Variants in MTUS2 observed in about 807,000 individuals in gnomAD.
MTUS2 encodes microtubule-associated tumor suppressor candidate 2.
In MTUS2, 40 loss-of-function variants were observed where a neutral mutation model predicts 114.1. The ratio of observed to expected loss-of-function variants is 0.35; its 90% CI spans 0.27 to 0.46. The LOEUF is 0.46. MTUS2 is among the 20% of genes least tolerant of loss of function. The probability of loss-of-function intolerance (pLI) is 1.00; values close to 1 mark genes in which losing one functional copy is unlikely to be tolerated. For synonymous variants in MTUS2, 688 were observed against 672.0 expected (o/e 1.02, Z -0.37); for missense variants, 1,679 against 1,705.4 (o/e 0.98, Z 0.27).
intron 4 of MTUS2, among the ~76,000 whole-genome samples, chr13:29,094,912 C>T (rs1418933984): frequency 6.6e-6 from 1 of 151,968 alleles, no homozygotes; most frequent in East Asian, 1.9e-4. Context: ...TCTAATTCCC[C>T]TTTCAATTTT....
chr13:29,488,043 T>C, intron 11 of MTUS2, 38 bp downstream of exon 11: 1 of 1,518,184 alleles, frequency 6.6e-7, no homozygotes, highest in Non-Finnish European at 9.1e-7. Context: ...CAGGGGTGGG[T>C]GGTGCAATCC....
chr13:29,102,959 C>T (rs1167335105), intron 5 of MTUS2, among the ~76,000 whole-genome samples: 3 of 152,106 alleles, frequency 2.0e-5, no homozygotes, highest in Non-Finnish European at 4.4e-5. Context: ...TCTGTTCTTT[C>T]TTGAGTTTAC....
chr13:29,433,989 A>G (rs1246454351), intron 8 of MTUS2, among the ~76,000 whole-genome samples: 3 of 152,224 alleles, frequency 2.0e-5, no homozygotes, highest in Admixed American at 6.5e-5. Context: ...AGCTTGGGAA[A>G]AAATGGCCCA....
rs185156669 is a variant in MTUS2 at position 29,362,558 on chromosome 13, G to A, written c.3117+3085G>A. ...AAAAATTAGCCGAGTGTGGTGGCACGTGCCTGTGATCCCAACTACTTGGGA... is the reference window on the plus strand; with the variant it reads ...AAAAATTAGCCGAGTGTGGTGGCACATGCCTGTGATCCCAACTACTTGGGA... On this transcript the variant is annotated intron_variant, in intron 8 of 15. Transcript: ENST00000612955. Among the ~76,000 whole-genome samples the A allele has an allele frequency of 1.3e-3, 195 of 152,118 alleles. 1 individual carries two copies. The highest frequency in any genetic ancestry group is 6.4e-3 in the Admixed American group (98 of 15,282).
intron 2 of MTUS2, among the ~76,000 whole-genome samples, chr13:28,877,911 G>A (rs1462427733): frequency 1.3e-5 from 2 of 152,184 alleles, no homozygotes; most frequent in Non-Finnish European, 2.9e-5. Context: ...TCAGAACTCA[G>A]AGGTGCTGGC....
At chr13:29,500,977 C>T (rs882953) in intron 14 of MTUS2, 120 bp from the exon 15 acceptor site, 529,952 of 695,750 alleles carry the variant, frequency 0.76, 206,932 homozygotes, top group East Asian at 0.93. Flanking sequence ...TAAAGCATTG[C>T]GAACTGATGT....
intron 5 of MTUS2, among the ~76,000 whole-genome samples, chr13:29,275,334 G>T (rs1231302330): frequency 1.3e-5 from 2 of 152,086 alleles, no homozygotes; most frequent in Admixed American, 1.3e-4. Flanking sequence ...GGTAAATGGG[G>T]TATCCATTAT....
intron 2 of MTUS2, among the ~76,000 whole-genome samples, chr13:29,013,874 T>C (rs1161403026): frequency 6.6e-6 from 1 of 152,274 alleles, no homozygotes. Flanking sequence ...TGTCTTTTTC[T>C]TACCATTACA....
chr13:29,435,876 A>G (rs1198464715), intron 8 of MTUS2, among the ~76,000 whole-genome samples: 2 of 152,228 alleles, frequency 1.3e-5, no homozygotes, highest in Non-Finnish European at 2.9e-5. Context: ...CAGCATCTTC[A>G]GCAGCAACAT....
intron 5 of MTUS2, among the ~76,000 whole-genome samples, chr13:29,278,491 G>A (rs1426930533): frequency 6.6e-6 from 1 of 152,172 alleles, no homozygotes; most frequent in Non-Finnish European, 1.5e-5. Flanking sequence ...TCTTATGGAA[G>A]AGAAAAACTT....
chr13:29,187,004 A>G (rs1409038752), intron 5 of MTUS2, among the ~76,000 whole-genome samples: 4 of 152,200 alleles, frequency 2.6e-5, no homozygotes, highest in Non-Finnish European at 5.9e-5. Context: ...ACATTTCTAA[A>G]TAACCATTGG....
chr13:28,972,958 T>C (rs1012792722), intron 2 of MTUS2, among the ~76,000 whole-genome samples: 2 of 152,158 alleles, frequency 1.3e-5, no homozygotes, highest in African/African-American at 2.4e-5. Context: ...TGAGTAGATA[T>C]GAACATTTCC....
At chr13:29,450,783 G>A (rs911573675) in intron 9 of MTUS2, among the ~76,000 whole-genome samples, 2 of 152,060 alleles carry the variant, frequency 1.3e-5, no homozygotes, top group Non-Finnish European at 2.9e-5. Context: ...AAAGAAAATT[G>A]GAATGTCTAT....
intron 9 of MTUS2, among the ~76,000 whole-genome samples, chr13:29,447,683 T>C (rs1878388668): frequency 6.6e-6 from 1 of 151,356 alleles, no homozygotes; most frequent in Non-Finnish European, 1.5e-5. Flanking sequence ...GTGATGGCTC[T>C]TGTCTGTGGG....
chr13:29,162,588 G>A (rs55987417), intron 5 of MTUS2, among the ~76,000 whole-genome samples: 2,355 of 152,250 alleles, frequency 0.015, 62 homozygotes, highest in African/African-American at 0.053. Flanking sequence ...AAAATACCAA[G>A]TGATCAGTTA....
intron 5 of MTUS2, among the ~76,000 whole-genome samples, chr13:29,193,198 C>G (rs1894518509): frequency 6.6e-6 from 1 of 152,128 alleles, no homozygotes; most frequent in African/African-American, 2.4e-5. Flanking sequence ...CTCCCACTTT[C>G]TGACTATACT....
At chr13:29,199,583 T>A (rs1479853448) in intron 5 of MTUS2, among the ~76,000 whole-genome samples, 1 of 152,178 alleles carries the variant, frequency 6.6e-6, no homozygotes, top group African/African-American at 2.4e-5. Context: ...TCTGTGGGGT[T>A]CAGTTTGCCA....
intron 5 of MTUS2, among the ~76,000 whole-genome samples, chr13:29,101,189 T>C (rs1184389528): frequency 1.3e-5 from 2 of 152,062 alleles, no homozygotes; most frequent in African/African-American, 2.4e-5. Flanking sequence ...TAACCACCTC[T>C]TAGGATGTAG....
chr13:29,266,178 G>T (rs1246874240), intron 5 of MTUS2, among the ~76,000 whole-genome samples: 1 of 152,126 alleles, frequency 6.6e-6, no homozygotes. Flanking sequence ...GTGCTGATAT[G>T]TTCCAGGCAA....
Sources: allele counts gnomAD v4.1 joint callset (sites outside exome capture counted in the v4.1 genomes callset), GRCh38; gene constraint gnomAD v4.1.1; transcripts MANE v1.5; gene names NCBI Gene and HGNC (gene_info 2026-07-23, HGNC 2026-07-21).